Variants in LIN54 observed in about 807,000 individuals in gnomAD.
LIN54 encodes the protein lin-54 DREAM MuvB core complex component, also known as protein lin-54 homolog.
A neutral mutation model predicts 78.7 loss-of-function variants in LIN54; 9 were observed. The ratio of observed to expected loss-of-function variants is 0.11; its 90% confidence interval spans 0.07 to 0.20. LIN54 has a LOEUF of 0.20. LIN54 is among the 10% of genes least tolerant of loss of function. The pLI is 1.00. For synonymous variants in LIN54, 269 were observed against 318.4 expected, an observed-to-expected ratio of 0.84 and a Z score of 1.65; for missense variants, 573 against 889.9, an observed-to-expected ratio of 0.64 and a Z score of 4.53.
intron 1 of LIN54, among the ~76,000 whole-genome samples, chr4:82,992,454 C>T (rs1251183936): frequency 6.6e-6 from 1 of 151,954 alleles, no homozygotes; most frequent in African/African-American, 2.4e-5. Flanking sequence ...CAAGATGGCT[C>T]ACTTGTGGCC....
chr4:82,951,469 G>A (rs1350150922), intron 4 of LIN54, among the ~76,000 whole-genome samples: 1 of 151,940 alleles, frequency 6.6e-6, no homozygotes, highest in African/African-American at 2.4e-5. Context: ...CAAACTATAA[G>A]GTATCAGGAC....
chr4:82,926,833 T>C lies in LIN54; in HGVS notation c.*1269A>G, dbSNP rs1721506148. 6.6e-6 allele frequency: 1 copy of C among 152,134 alleles called. No homozygotes were observed. Among genetic ancestry groups the C allele is most frequent in the Non-Finnish European group, 1.5e-5 (1 of 68,016 alleles). The allele number at this position is 152,134 out of a possible 1,614,324, so 9.4% of individuals were successfully genotyped here. ...AATCAAGTAAGAGTTGCGATTTGGT[T>C]TGAAACCTCTTAGTTCAAAAGTCTA... is the stretch of plus-strand genomic sequence containing the variant. On this transcript the variant is annotated 3_prime_UTR_variant, in exon 13 of 13. Coordinates refer to ENST00000340417, the MANE Select transcript of LIN54 (RefSeq NM_194282.4).
chr4:82,932,922 G>C (rs1268010626), intron 11 of LIN54, among the ~76,000 whole-genome samples: 1 of 152,078 alleles, frequency 6.6e-6, no homozygotes, highest in Admixed American at 6.5e-5. Flanking sequence ...ACGAATTTGA[G>C]TATGTTTTTG....
chr4:82,998,884 ATATAAAT>A (rs2126104918), intron 1 of LIN54, among the ~76,000 whole-genome samples: 1 of 152,336 alleles, frequency 6.6e-6, no homozygotes, highest in African/African-American at 2.4e-5. Flanking sequence ...ACCATAAAAT[ATATAAAT>A]TATAAAAAGT....
At chr4:83,001,866 G>GAAAGAAAGAAAGAAA (rs1319613340) in intron 1 of LIN54, among the ~76,000 whole-genome samples, 1 of 8,486 alleles carries the variant, frequency 1.2e-4, no homozygotes. Flanking sequence ...AAAAAGGATA[G>GAAAGAAAGAAAGAAA]GAAGGAAGGA....
At chr4:82,949,850 T>C (rs533465297) in intron 4 of LIN54, among the ~76,000 whole-genome samples, 1 of 148,952 alleles carries the variant, frequency 6.7e-6, no homozygotes, top group African/African-American at 2.4e-5. Flanking sequence ...TTTTGCTTTT[T>C]TTTTTTTTTT....
At chr4:82,983,341 G>T (rs1726844046) in intron 2 of LIN54, among the ~76,000 whole-genome samples, 1 of 151,996 alleles carries the variant, frequency 6.6e-6, no homozygotes, top group Admixed American at 6.6e-5. Flanking sequence ...AGTAGTGGTG[G>T]CCTAAGAAAG....
rs747736745 is a variant in LIN54 at position 82,937,274 on chromosome 4, A to G, written c.1557T>C (p.Ser519=). The G allele has an allele frequency of 1.3e-6, 2 of 1,590,090 alleles. No individual in the cohort carries two copies. Among genetic ancestry groups the G allele is most frequent in the Admixed American group, 3.3e-5 (2 of 59,972 alleles). ...FNGIIPSESA[S]RPRKPCNCTK... ...TACAATTACAGGGCTTTCGGGGCCGACTGGCCGACTCTGATGGGATTATGC... is the reference window on the plus strand; with the variant it reads ...TACAATTACAGGGCTTTCGGGGCCGGCTGGCCGACTCTGATGGGATTATGC... Residue 519 remains serine, a synonymous_variant, in exon 9 of 13, where the codon AGT becomes AGC. Transcript: ENST00000340417.
chr4:82,953,434 T>G (rs1285418796), intron 4 of LIN54, among the ~76,000 whole-genome samples: 1 of 152,102 alleles, frequency 6.6e-6, no homozygotes, highest in Non-Finnish European at 1.5e-5. Flanking sequence ...AGATGGTACA[T>G]CCTATATTAC....
intron 5 of LIN54, among the ~76,000 whole-genome samples, chr4:82,941,395 G>A (rs1372673165): frequency 2.0e-5 from 3 of 151,988 alleles, no homozygotes; most frequent in African/African-American, 4.8e-5. Flanking sequence ...TGGGATTAAC[G>A]CAGACAAATA....
rs201619290 is a variant in LIN54 at position 82,984,745 on chromosome 4, C to T, written c.100G>A (p.Val34Ile). The T allele has an allele frequency of 2.5e-6, 4 of 1,613,980 alleles. No individual in the cohort carries two copies. Among genetic ancestry groups the T allele is most frequent in the Non-Finnish European group, 3.4e-6 (4 of 1,179,936 alleles). ...GTCTCCATGGGAATTGGGGATGAAA[C>T]AATAACAGCCTCAATACTATCATCA... ...VDDDSIEAVI[V>I]SSPIPMETEL... The change falls in exon 2 of 13, where the codon GTT (valine) becomes ATT (isoleucine). Residue 34 changes from valine to isoleucine, a missense_variant. Physicochemically the swap from Val to Ile is conservative, Grantham distance 29. Coordinates refer to ENST00000340417, the MANE Select transcript of LIN54 (RefSeq NM_194282.4).
intron 4 of LIN54, among the ~76,000 whole-genome samples, chr4:82,967,237 GAAAAAAGAA>G (rs1725282658): frequency 6.7e-6 from 1 of 148,760 alleles, no homozygotes; most frequent in African/African-American, 2.5e-5. Context: ...AAAAAAAAAA[GAAAAAAGAA>G]AAAAAAGGAA....
intron 1 of LIN54, among the ~76,000 whole-genome samples, chr4:82,991,009 G>A (rs2126094896): frequency 6.6e-6 from 1 of 152,168 alleles, no homozygotes; most frequent in East Asian, 1.9e-4. Context: ...AAGGACCCAT[G>A]AAGAAGTCAG....
intron 1 of LIN54, among the ~76,000 whole-genome samples, chr4:82,986,365 C>T (rs561314851): frequency 6.6e-5 from 10 of 152,234 alleles, no homozygotes; most frequent in South Asian, 2.1e-4. Context: ...GATCTGCCCA[C>T]GCTGGCCTCC....
intron 1 of LIN54, among the ~76,000 whole-genome samples, chr4:83,003,260 C>T (rs1465489659): frequency 6.6e-6 from 1 of 152,084 alleles, no homozygotes; most frequent in Admixed American, 6.6e-5. Context: ...ATTGATCCGC[C>T]CAGCTCGGTC....
At position 82,942,661 on chromosome 4, in the gene LIN54, C is replaced by A. The variant is rs370459491; in HGVS notation, c.1169-2699G>T. 2.6e-5 allele frequency among the ~76,000 whole-genome samples: 4 copies of A among 152,240 alleles called. No homozygotes were observed. In the East Asian group the frequency reaches 5.8e-4, roughly 22 times the overall value. Reference sequence around the variant, plus strand: ...AGTGGACTCCCTCCACCACCTGCTCCTGGGAGAGATGACAGTCGCTGTTCC... The same window carrying A: ...AGTGGACTCCCTCCACCACCTGCTCATGGGAGAGATGACAGTCGCTGTTCC... On this transcript the variant is annotated intron_variant, in intron 5 of 12. Coordinates refer to ENST00000340417, the MANE Select transcript of LIN54 (RefSeq NM_194282.4).
intron 4 of LIN54, among the ~76,000 whole-genome samples, chr4:82,961,466 C>T (rs908087104): frequency 1.3e-5 from 2 of 151,934 alleles, no homozygotes; most frequent in South Asian, 2.1e-4. Context: ...GGCTATGTGA[C>T]GGTTCATTAC....
chr4:82,967,165 G>T (rs553570172), intron 4 of LIN54, among the ~76,000 whole-genome samples: 5 of 151,216 alleles, frequency 3.3e-5, no homozygotes, highest in Admixed American at 6.6e-5. Flanking sequence ...GGTGGAGGTT[G>T]CAGTGAGCCG....
At chr4:82,980,016 A>G (rs1383877723) in intron 2 of LIN54, among the ~76,000 whole-genome samples, 1 of 148,998 alleles carries the variant, frequency 6.7e-6, no homozygotes, top group African/African-American at 2.4e-5. Flanking sequence ...GTGCACTCAT[A>G]GTTCACTGCA....
Sources: gnomAD v4.1 joint callset for allele counts (sites outside exome capture counted in the v4.1 genomes callset) on GRCh38, gnomAD v4.1.1 for gene constraint, MANE v1.5 for transcripts, NCBI Gene and HGNC (gene_info 2026-07-23, HGNC 2026-07-21) for gene names.